Variants in CBL observed in about 807,000 individuals in gnomAD.
CBL encodes E3 ubiquitin-protein ligase CBL.
CBL carries 45 observed loss-of-function variants against 96.9 expected under a neutral mutation model. The ratio of observed to expected loss-of-function variants is 0.46; its 90% CI spans 0.37 to 0.60. CBL has a LOEUF of 0.60. Ranked by LOEUF, CBL falls within the 20% of genes least tolerant of loss-of-function variation. The pLI, the probability that CBL is intolerant of heterozygous loss-of-function variation, is 0.00. For synonymous variants in CBL, 420 were observed against 426.8 expected (o/e 0.98, Z 0.20); for missense variants, 1,024 against 1,143.5 (o/e 0.90, Z 1.51).
At chr11:119,245,526 C>T (rs1277615247) in intron 2 of CBL, among the ~76,000 whole-genome samples, 3 of 151,844 alleles carry the variant, frequency 2.0e-5, no homozygotes, top group Non-Finnish European at 2.9e-5. Flanking sequence ...GTCAGGAGTT[C>T]GAGACCAGCC....
Position 119,306,233 on chromosome 11 carries a change from TC to T in CBL, c.*6454del, listed in dbSNP as rs1228878924. 5.0e-6 allele frequency: 2 copies of T among 398,482 alleles called. No individual in the cohort carries two copies. Among genetic ancestry groups the T allele is most frequent in the Non-Finnish European group, 4.4e-6 (1 of 226,078 alleles). The allele number at this position is 398,482 out of a possible 1,614,324, so 24.7% of individuals were successfully genotyped here. A position where few individuals can be genotyped will look rare whatever the true frequency, so the allele number is the denominator to read the frequency against. Reference sequence around the variant, plus strand: ...GCTGTGTGGTGCTCTTGCCGCCCCTTCCTGGGTACAGAGCTTGAGAAAAATG... The same window carrying T: ...GCTGTGTGGTGCTCTTGCCGCCCCTTCTGGGTACAGAGCTTGAGAAAAATG... On this transcript the variant is annotated 3_prime_UTR_variant, in exon 16 of 16. Coordinates refer to ENST00000264033, the MANE Select transcript of CBL (RefSeq NM_005188.4).
chr11:119,227,922 G>A (rs1477991169), intron 1 of CBL, among the ~76,000 whole-genome samples: 1 of 152,068 alleles, frequency 6.6e-6, no homozygotes, highest in Non-Finnish European at 1.5e-5. Flanking sequence ...CAGATACCTT[G>A]TCTTTTTACT....
In CBL at chr11:119,274,923, G is replaced by A. The variant is rs145155035; in HGVS notation, c.839G>A (p.Arg280Gln). 18 of 1,613,874 alleles carry A rather than the reference G, an allele frequency of 1.1e-5. No individual in the cohort carries two copies. The highest frequency in any genetic ancestry group is 1.1e-4 in the East Asian group (5 of 44,886). The stretch of plus-strand genomic sequence containing the variant: ...TTGACGTATGACGAAGTGAAAGCTC[G>A]GCTCCAGAAATTCATTCACAAACCT... ...AFLTYDEVKA[R>Q]LQKFIHKPGS... is the part of the protein sequence containing the mutation. Residue 280 changes from arginine (R) to glutamine (Q), a missense_variant, in exon 5 of 16, where the codon CGG becomes CAG. Around this residue, in one of 4 missense-constraint regions of CBL, gnomAD observed 192 missense variants for 321.8 expected, o/e 0.60. Coordinates refer to ENST00000264033, the MANE Select transcript of CBL (RefSeq NM_005188.4).
chr11:119,297,452 C>A lies in CBL; in HGVS notation c.2222C>A (p.Ala741Glu), dbSNP rs763213265. 1 of 1,612,926 alleles carries A rather than the reference C, an allele frequency of 6.2e-7. No individual in the cohort carries two copies. The highest frequency in any genetic ancestry group is 8.5e-7 in the Non-Finnish European group (1 of 1,179,532). ...GCAATGTATAATATTCAGTCCCAGG[C>A]GCCATCTATCACCGAGAGCAGCACC... The part of the protein sequence containing the change: ...YEAMYNIQSQ[A>E]PSITESSTFG... The change falls in exon 14 of 16, where the codon GCG becomes GAG. Residue 741 changes from alanine (A) to glutamate (E), a missense_variant. Ala to Glu is a moderately radical substitution (Grantham distance 107, BLOSUM62 -1). Transcript: ENST00000264033.
At chr11:119,222,194 A>C (rs1949417369) in intron 1 of CBL, among the ~76,000 whole-genome samples, 1 of 152,112 alleles carries the variant, frequency 6.6e-6, no homozygotes. Context: ...TTAGTCTTAC[A>C]TGTGTATGGT....
intron 12 of CBL, among the ~76,000 whole-genome samples, chr11:119,291,194 TGA>T (rs1341004596): frequency 6.6e-6 from 1 of 152,112 alleles, no homozygotes; most frequent in East Asian, 1.9e-4. Flanking sequence ...TCTGGGAGTT[TGA>T]GACCAGTCTG....
intron 1 of CBL, among the ~76,000 whole-genome samples, chr11:119,230,507 G>C (rs1338343944): frequency 6.6e-6 from 1 of 152,160 alleles, no homozygotes; most frequent in Non-Finnish European, 1.5e-5. Context: ...ATTAATGTTA[G>C]CTTAGGTTGT....
intron 2 of CBL, among the ~76,000 whole-genome samples, chr11:119,265,713 C>G (rs1345660467): frequency 6.6e-6 from 1 of 151,896 alleles, no homozygotes; most frequent in African/African-American, 2.4e-5. Context: ...ATGGTGAAAC[C>G]CTGTCTCTAC....
At chr11:119,284,891 C>A in intron 9 of CBL, 78 bp from the exon 10 acceptor site, 3 of 1,548,920 alleles carry the variant, frequency 1.9e-6, no homozygotes, top group Non-Finnish European at 2.7e-6. Flanking sequence ...TGGTATTTGC[C>A]ATCCACAGCT....
At chr11:119,292,927 T>TA (rs1480862968) in intron 12 of CBL, among the ~76,000 whole-genome samples, 1 of 152,208 alleles carries the variant, frequency 6.6e-6, no homozygotes, top group Non-Finnish European at 1.5e-5. Flanking sequence ...CATTTTGACT[T>TA]ACAGTATTTT....
chr11:119,280,651 C>A (rs1429400483), intron 9 of CBL, among the ~76,000 whole-genome samples: 1 of 151,980 alleles, frequency 6.6e-6, no homozygotes, highest in African/African-American at 2.4e-5. Context: ...ACATTGGTTC[C>A]CTGCCTCTGC....
intron 1 of CBL, among the ~76,000 whole-genome samples, chr11:119,209,935 G>T (rs1318147238): frequency 6.6e-6 from 1 of 152,146 alleles, no homozygotes; most frequent in Non-Finnish European, 1.5e-5. Flanking sequence ...ACAAAAGTTA[G>T]ACAGAGCCAC....
At chr11:119,247,284 C>G (rs764580637) in intron 2 of CBL, among the ~76,000 whole-genome samples, 1 of 152,198 alleles carries the variant, frequency 6.6e-6, no homozygotes, top group Non-Finnish European at 1.5e-5. Context: ...AGATAGCCTA[C>G]TTTTGCCACA....
At chr11:119,224,638 T>C (rs1214340175) in intron 1 of CBL, among the ~76,000 whole-genome samples, 1 of 152,140 alleles carries the variant, frequency 6.6e-6, no homozygotes, top group Admixed American at 6.6e-5. Context: ...GTCGCCAGGC[T>C]GGAGTGCAGT....
chr11:119,214,400 C>T (rs1949341608), intron 1 of CBL, among the ~76,000 whole-genome samples: 2 of 152,118 alleles, frequency 1.3e-5, no homozygotes, highest in Non-Finnish European at 2.9e-5. Context: ...CAGGCGTGTG[C>T]CACCACACCA....
intron 9 of CBL, among the ~76,000 whole-genome samples, chr11:119,281,023 TCATACTCTCAAA>T (rs1346932035): frequency 2.0e-5 from 3 of 152,250 alleles, no homozygotes; most frequent in Non-Finnish European, 4.4e-5. Context: ...CCAAATCATA[TCATACTCTCAAA>T]CATCCTCTCA....
Position 119,278,714 on chromosome 11 carries a change from G to T in CBL, c.1431+1G>T, listed in dbSNP as rs188629876. On this transcript the variant is annotated splice_donor_variant, in intron 9 of 15. Transcript: ENST00000264033. LOFTEE classifies it high-confidence loss of function. Reference sequence around the variant, plus strand: ...GATGAAGGAATTGGCTGGTGCCAAGGTAAGATGGCAGTTTAGGAGACTGGC... The same window carrying T: ...GATGAAGGAATTGGCTGGTGCCAAGTTAAGATGGCAGTTTAGGAGACTGGC... 1 of 1,613,468 alleles carries T rather than the reference G, an allele frequency of 6.2e-7. No individual in the cohort carries two copies. Among genetic ancestry groups the T allele is most frequent in the Non-Finnish European group, 8.5e-7 (1 of 1,179,474 alleles).
At chr11:119,229,579 C>A (rs1453235029) in intron 1 of CBL, among the ~76,000 whole-genome samples, 1 of 151,958 alleles carries the variant, frequency 6.6e-6, no homozygotes, top group Non-Finnish European at 1.5e-5. Flanking sequence ...TGAGCTCCAG[C>A]CTGAGAGACA....
intron 1 of CBL, among the ~76,000 whole-genome samples, chr11:119,223,418 T>C (rs1399652293): frequency 1.3e-5 from 2 of 150,528 alleles, no homozygotes; most frequent in African/African-American, 4.9e-5. Flanking sequence ...TTATGTTATG[T>C]TATGTTATTA....
Sources: allele counts gnomAD v4.1 joint callset (sites outside exome capture counted in the v4.1 genomes callset), GRCh38; gene constraint gnomAD v4.1.1; regional missense constraint gnomAD v4.1.1; transcripts MANE v1.5; gene names NCBI Gene and HGNC (gene_info 2026-07-23, HGNC 2026-07-21).